The following PDE4D variants were observed in gnomAD, a reference collection of about 807,000 sequenced individuals.
The protein encoded by PDE4D is 3',5'-cyclic-AMP phosphodiesterase 4D.
In PDE4D, 24 loss-of-function variants were observed where a neutral mutation model predicts 87.4. The observed-to-expected ratio is 0.27, with a 90% CI of 0.20 to 0.39. The LOEUF (loss-of-function observed/expected upper bound fraction) is 0.39. Ranked by LOEUF, PDE4D falls within the 10% of genes least tolerant of loss-of-function variation. The probability of loss-of-function intolerance (pLI) is 1.00; values close to 1 mark genes in which losing one functional copy is unlikely to be tolerated. For synonymous variants in PDE4D, 384 were observed against 383.2 expected, an observed-to-expected ratio of 1.00 and a Z score of -0.02; for missense variants, 714 against 1,041.0, an observed-to-expected ratio of 0.69 and a Z score of 4.32.
chr5:60,252,978 T>C lies in PDE4D; in HGVS notation c.-89-67291A>G, dbSNP rs982954878. 2.0e-5 allele frequency among the ~76,000 whole-genome samples: 3 copies of C among 151,952 alleles called. No individual in the cohort carries two copies. The South Asian group carries it at 6.2e-4, about 31-fold the overall frequency. On this transcript the variant is annotated intron_variant, in intron 1 of 16. Transcript: ENST00000502484. Reference sequence around the variant, plus strand: ...AGATCCCATTTGGTGACTGTATACATTGGTGGAGGAAGTCAATGCTTTGAA... The same window carrying C: ...AGATCCCATTTGGTGACTGTATACACTGGTGGAGGAAGTCAATGCTTTGAA...
intron 1 of PDE4D, among the ~76,000 whole-genome samples, chr5:60,478,372 T>C (rs1748482879): frequency 6.6e-6 from 1 of 152,198 alleles, no homozygotes; most frequent in Non-Finnish European, 1.5e-5. Flanking sequence ...GTTTTCTTTA[T>C]GGCCTCCAAG....
At chr5:59,711,733 C>A (rs1466766409) in intron 1 of PDE4D, among the ~76,000 whole-genome samples, 6 of 152,104 alleles carry the variant, frequency 3.9e-5, no homozygotes, top group Non-Finnish European at 8.8e-5. Context: ...ATTATTAATA[C>A]ACTATGCATC....
chr5:59,024,113 G>C (rs1437735729), intron 6 of PDE4D, among the ~76,000 whole-genome samples: 1 of 148,916 alleles, frequency 6.7e-6, no homozygotes, highest in East Asian at 2.0e-4. Flanking sequence ...TGTTGGCCAG[G>C]CTGGTCTCAA....
At chr5:59,548,154 C>T (rs1283474069) in intron 1 of PDE4D, among the ~76,000 whole-genome samples, 1 of 152,122 alleles carries the variant, frequency 6.6e-6, no homozygotes, top group Non-Finnish European at 1.5e-5. Flanking sequence ...GTTTCAAGAT[C>T]CTGCAAACTG....
intron 1 of PDE4D, among the ~76,000 whole-genome samples, chr5:59,377,933 A>G (rs1463674037): frequency 6.6e-6 from 1 of 152,236 alleles, no homozygotes; most frequent in Non-Finnish European, 1.5e-5. Flanking sequence ...TACTGGGTGT[A>G]TACCCAAAGG....
intron 1 of PDE4D, among the ~76,000 whole-genome samples, chr5:59,393,786 C>T (rs545445727): frequency 6.6e-6 from 1 of 152,270 alleles, no homozygotes; most frequent in East Asian, 1.9e-4. Flanking sequence ...GGGCAGGTGC[C>T]AGGTACAGCA....
intron 5 of PDE4D, among the ~76,000 whole-genome samples, chr5:59,107,898 A>C (rs1771903435): frequency 6.6e-6 from 1 of 152,112 alleles, no homozygotes; most frequent in Non-Finnish European, 1.5e-5. Context: ...CTTGCTGGAG[A>C]GTTCACATGA....
At chr5:59,934,476 C>T (rs1756340709) in intron 3 of PDE4D, among the ~76,000 whole-genome samples, 2 of 152,176 alleles carry the variant, frequency 1.3e-5, no homozygotes, top group African/African-American at 2.4e-5. Flanking sequence ...AATTGCCCTG[C>T]ATAATCCCCA....
At chr5:59,629,035 T>C (rs1831244987) in intron 1 of PDE4D, among the ~76,000 whole-genome samples, 1 of 152,088 alleles carries the variant, frequency 6.6e-6, no homozygotes, top group African/African-American at 2.4e-5. Context: ...GAGAACTCAC[T>C]CACTATCATG....
intron 1 of PDE4D, among the ~76,000 whole-genome samples, chr5:59,773,379 T>C (rs1763767410): frequency 6.6e-6 from 1 of 152,138 alleles, no homozygotes. Context: ...GTATTTAAAA[T>C]TGTTTATGGT....
intron 3 of PDE4D, among the ~76,000 whole-genome samples, chr5:59,187,602 A>G (rs1743212515): frequency 6.6e-6 from 1 of 152,214 alleles, no homozygotes; most frequent in Admixed American, 6.5e-5. Flanking sequence ...GAAAAAAGGA[A>G]TCTGTCTTCC....
chr5:59,131,597 AACACACACACACACAC>A (rs34161581), intron 5 of PDE4D, among the ~76,000 whole-genome samples: 14,695 of 118,116 alleles, frequency 0.12, 964 homozygotes, highest in Non-Finnish European at 0.16. Flanking sequence ...GCCAATTTAA[AACACACACACACACAC>A]ACACACACAC....
intron 1 of PDE4D, among the ~76,000 whole-genome samples, chr5:59,756,106 C>T (rs187972517): frequency 6.6e-6 from 1 of 151,848 alleles, no homozygotes; most frequent in African/African-American, 2.4e-5. Context: ...TGAAGATCTA[C>T]TTTGGAAAAA....
chr5:59,016,069 T>C (rs1056400199), intron 6 of PDE4D, among the ~76,000 whole-genome samples: 9 of 152,128 alleles, frequency 5.9e-5, no homozygotes, highest in South Asian at 2.1e-4. Flanking sequence ...TAGGTGGGAA[T>C]TGAACAATGA....
intron 5 of PDE4D, among the ~76,000 whole-genome samples, chr5:59,094,216 CAA>C (rs1164383460): frequency 0.067 from 942 of 14,030 alleles, no homozygotes; most frequent in African/African-American, 0.16. Context: ...GACTCCGTCT[CAA>C]AAAAAAAAAA....
chr5:59,131,847 T>C (rs1433567770), intron 5 of PDE4D, among the ~76,000 whole-genome samples: 1 of 152,158 alleles, frequency 6.6e-6, no homozygotes, highest in African/African-American at 2.4e-5. Context: ...CCTCACAGTT[T>C]TTTGTTTTGA....
intron 5 of PDE4D, among the ~76,000 whole-genome samples, chr5:59,131,095 C>T (rs1042839774): frequency 6.6e-6 from 1 of 152,054 alleles, no homozygotes; most frequent in East Asian, 1.9e-4. Flanking sequence ...TATTGTATTT[C>T]TAGAATATAA....
At chr5:59,447,874 C>T (rs1582650548) in intron 1 of PDE4D, among the ~76,000 whole-genome samples, 1 of 152,164 alleles carries the variant, frequency 6.6e-6, no homozygotes, top group Non-Finnish European at 1.5e-5. Flanking sequence ...TCACTGTGTG[C>T]CCCTGCCATC....
At chr5:59,389,800 G>A (rs1787873115) in intron 1 of PDE4D, among the ~76,000 whole-genome samples, 1 of 152,104 alleles carries the variant, frequency 6.6e-6, no homozygotes, top group South Asian at 2.1e-4. Context: ...AGCTAAAACA[G>A]TGGATCTCTT....
Sources: allele counts gnomAD v4.1 joint callset (sites outside exome capture counted in the v4.1 genomes callset), GRCh38; gene constraint gnomAD v4.1.1; transcripts MANE v1.5; gene names NCBI Gene and HGNC (gene_info 2026-07-23, HGNC 2026-07-21).